The following TCF7L1 variants were observed in gnomAD, a reference collection of about 807,000 sequenced individuals.
TCF7L1 encodes transcription factor 7 like 1, also known as transcription factor 7-like 1.
A neutral mutation model predicts 63.7 loss-of-function variants in TCF7L1; 18 were observed. The ratio of observed to expected loss-of-function variants is 0.28; its 90% CI spans 0.20 to 0.42. The LOEUF (loss-of-function observed/expected upper bound fraction) is 0.42. Among genes scored for constraint, TCF7L1 ranks in the 10% least tolerant of loss-of-function variants. The pLI is 1.00. For synonymous variants in TCF7L1, 355 were observed against 340.9 expected, an observed-to-expected ratio of 1.04 and a Z score of -0.46; for missense variants, 654 against 779.3, an observed-to-expected ratio of 0.84 and a Z score of 1.91.
At chr2:85,302,404 T>G in intron 4 of TCF7L1, 80 bp from the exon 5 acceptor site, 2 of 1,599,344 alleles carry the variant, frequency 1.3e-6, no homozygotes, top group South Asian at 1.1e-5. Context: ...TACCTGGCAC[T>G]TACTTGATTC....
At chr2:85,223,691 G>T (rs11892343) in intron 3 of TCF7L1, among the ~76,000 whole-genome samples, 2 of 152,126 alleles carry the variant, frequency 1.3e-5, no homozygotes, top group Non-Finnish European at 2.9e-5. Context: ...ATTTAACCCC[G>T]CAAGGCATAC....
At chr2:85,292,896 C>T (rs773280738) in intron 4 of TCF7L1, among the ~76,000 whole-genome samples, 82 of 152,348 alleles carry the variant, frequency 5.4e-4, no homozygotes, top group Middle Eastern at 3.4e-3. Flanking sequence ...CTATTTCTTT[C>T]ATAATGCTGT....
intron 3 of TCF7L1, among the ~76,000 whole-genome samples, chr2:85,201,212 A>C (rs146479277): frequency 5.9e-5 from 9 of 152,308 alleles, no homozygotes; most frequent in African/African-American, 2.2e-4. Flanking sequence ...CAAGAAAACA[A>C]AAACAAAAAC....
intron 3 of TCF7L1, among the ~76,000 whole-genome samples, chr2:85,165,171 A>C (rs1290294938): frequency 6.6e-6 from 1 of 152,216 alleles, no homozygotes; most frequent in Non-Finnish European, 1.5e-5. Flanking sequence ...TCAGTGAATA[A>C]ATCCTGTAAG....
chr2:85,189,674 G>T (rs1679003322), intron 3 of TCF7L1, among the ~76,000 whole-genome samples: 1 of 152,134 alleles, frequency 6.6e-6, no homozygotes, highest in African/African-American at 2.4e-5. Flanking sequence ...AAACCCCGGG[G>T]CTGGAGCCCT....
chr2:85,225,293 G>C (rs866751140), intron 3 of TCF7L1, among the ~76,000 whole-genome samples: 16 of 152,242 alleles, frequency 1.1e-4, no homozygotes, highest in Middle Eastern at 6.8e-3. Context: ...ATTTAAAGTA[G>C]TTTTTTCCAA....
chr2:85,252,175 A>G (rs1680606181), intron 3 of TCF7L1, among the ~76,000 whole-genome samples: 1 of 152,014 alleles, frequency 6.6e-6, no homozygotes, highest in Non-Finnish European at 1.5e-5. Context: ...CACAGAAAGG[A>G]CTCTGAGGGA....
chr2:85,300,929 G>A (rs540866997), intron 4 of TCF7L1, among the ~76,000 whole-genome samples: 5 of 151,930 alleles, frequency 3.3e-5, no homozygotes, highest in Admixed American at 6.6e-5. Flanking sequence ...ATAGGCACAC[G>A]CCACCATGCC....
In TCF7L1 at chr2:85,208,040, G is replaced by A. The variant is rs1223648523; in HGVS notation, c.441+73590G>A. 2.0e-5 allele frequency among the ~76,000 whole-genome samples: 3 copies of A among 152,144 alleles called. No individual in the cohort carries two copies. In the East Asian group the frequency reaches 5.8e-4, roughly 29 times the overall value. ...TCCTGCCTCAGCCTCCTGAGTAGCT[G>A]GGACTACAGGCGCCCGCCACCACAC... On this transcript the variant is annotated intron_variant, in intron 3 of 11. Transcript: ENST00000282111.
Position 85,307,730 on chromosome 2 carries a change from G to A in TCF7L1, c.1333+13G>A. The A allele has an allele frequency of 6.2e-7, 1 of 1,611,950 alleles. No homozygotes were observed. The highest frequency in any genetic ancestry group is 8.5e-7 in the Non-Finnish European group (1 of 1,178,872). On this transcript the variant is annotated intron_variant, in intron 11 of 11. Transcript: ENST00000282111. ...CAGGAGGCAGAGGGTGCGTCTCGGG[G>A]CACTGGCCTCTTCTCCTGCTTTTCC...
chr2:85,283,269 C>G (rs985549518), intron 3 of TCF7L1, among the ~76,000 whole-genome samples: 1 of 115,972 alleles, frequency 8.6e-6, no homozygotes, highest in African/African-American at 2.7e-5. Flanking sequence ...TTCGTGTCCC[C>G]CCCCCCAAAA....
chr2:85,176,143 A>G (rs1163666426), intron 3 of TCF7L1, among the ~76,000 whole-genome samples: 5 of 152,254 alleles, frequency 3.3e-5, no homozygotes, highest in African/African-American at 9.6e-5. Flanking sequence ...GGGGTGAGCC[A>G]ACAGGCTGGA....
chr2:85,191,450 T>C (rs1224005384), intron 3 of TCF7L1, among the ~76,000 whole-genome samples: 1 of 152,196 alleles, frequency 6.6e-6, no homozygotes, highest in African/African-American at 2.4e-5. Context: ...CACTATGCAA[T>C]GGTATAGAAG....
intron 3 of TCF7L1, among the ~76,000 whole-genome samples, chr2:85,176,265 C>G (rs1248180390): frequency 1.3e-5 from 2 of 152,206 alleles, no homozygotes; most frequent in African/African-American, 4.8e-5. Context: ...CAGTCCTCCG[C>G]TGACTGACCA....
intron 3 of TCF7L1, among the ~76,000 whole-genome samples, chr2:85,223,738 C>T (rs1287012938): frequency 6.6e-6 from 1 of 152,190 alleles, no homozygotes; most frequent in African/African-American, 2.4e-5. Context: ...CACCTTTAGT[C>T]CCTACAGCAA....
At chr2:85,304,204 C>G in intron 6 of TCF7L1, 51 bp from the exon 7 acceptor site, 1 of 1,564,370 alleles carries the variant, frequency 6.4e-7, no homozygotes, top group African/African-American at 1.4e-5. Flanking sequence ...GCCTCTCTTC[C>G]TCTGCCCTGA....
intron 4 of TCF7L1, among the ~76,000 whole-genome samples, chr2:85,296,788 G>A (rs574514681): frequency 6.6e-6 from 1 of 152,276 alleles, no homozygotes; most frequent in Admixed American, 6.5e-5. Flanking sequence ...ATTTGTAACT[G>A]TGATGAGAAA....
At chr2:85,172,551 T>G (rs1228367183) in intron 3 of TCF7L1, among the ~76,000 whole-genome samples, 1 of 152,164 alleles carries the variant, frequency 6.6e-6, no homozygotes, top group Non-Finnish European at 1.5e-5. Context: ...CTCAGCCTCC[T>G]GAGTAGCTGG....
intron 3 of TCF7L1, chr2:85,186,498 G>A (rs921518082): frequency 1.3e-5 from 2 of 152,104 alleles, no homozygotes. Context: ...CATTCCTCAG[G>A]TTCTATGCCA....
Sources: allele counts gnomAD v4.1 joint callset (sites outside exome capture counted in the v4.1 genomes callset), GRCh38; gene constraint gnomAD v4.1.1; transcripts MANE v1.5; gene names NCBI Gene and HGNC (gene_info 2026-07-23, HGNC 2026-07-21).